Variants in GRIA4 observed in about 807,000 individuals in gnomAD.
GRIA4 encodes the protein glutamate receptor 4.
GRIA4 carries 34 observed loss-of-function variants against 104.0 expected under a neutral mutation model. The ratio of observed to expected loss-of-function variants is 0.33; its 90% CI spans 0.25 to 0.44. GRIA4 has a LOEUF of 0.44. GRIA4 is among the 20% of genes least tolerant of loss of function. The pLI is 1.00. For synonymous variants in GRIA4, 386 were observed against 381.9 expected (o/e 1.01, Z -0.13); for missense variants, 750 against 1,096.5 (o/e 0.68, Z 4.46).
intron 14 of GRIA4, among the ~76,000 whole-genome samples, chr11:105,935,673 A>G (rs73544631): frequency 9.3e-4 from 141 of 152,246 alleles, no homozygotes; most frequent in African/African-American, 3.3e-3. Flanking sequence ...TCTTGCACTT[A>G]ATTAATTCTC....
At chr11:105,658,295 A>C (rs1951904940) in intron 3 of GRIA4, among the ~76,000 whole-genome samples, 1 of 151,842 alleles carries the variant, frequency 6.6e-6, no homozygotes, top group Non-Finnish European at 1.5e-5. Flanking sequence ...GAATAAAGAT[A>C]AGATGAATTT....
At chr11:105,622,535 G>C (rs1369239536) in intron 3 of GRIA4, among the ~76,000 whole-genome samples, 1 of 151,586 alleles carries the variant, frequency 6.6e-6, no homozygotes, top group African/African-American at 2.4e-5. Context: ...TGATAGTCTT[G>C]CTTCTTCTAT....
chr11:105,645,666 C>A lies in GRIA4; in HGVS notation c.247+33232C>A, dbSNP rs1951505827. On this transcript the variant is annotated intron_variant, in intron 3 of 16. Transcript: ENST00000282499. The stretch of plus-strand genomic sequence containing the variant: ...GAAGGACACCACTGAGTAGAATTAG[C>A]ATTTTTAAGTCAATGAATAAAAGAA... Among the ~76,000 whole-genome samples, 3 of 152,212 alleles carry A rather than the reference C, an allele frequency of 2.0e-5. No individual in the cohort carries two copies. The South Asian group carries it at 6.2e-4, about 32-fold the overall frequency.
chr11:105,627,609 C>T (rs1950920622), intron 3 of GRIA4, among the ~76,000 whole-genome samples: 1 of 152,076 alleles, frequency 6.6e-6, no homozygotes, highest in Admixed American at 6.6e-5. Flanking sequence ...TTTGTAAGAC[C>T]CATTTTGGTA....
rs142245721 is a variant in GRIA4 at position 105,921,483 on chromosome 11, C to G, written c.1476+2565C>G. Reference sequence around the variant, plus strand: ...TGAAACAATGCACATGCAACATCCCCGATGTTGGCAGAGGAAGCCCATGTG... The same window carrying G: ...TGAAACAATGCACATGCAACATCCCGGATGTTGGCAGAGGAAGCCCATGTG... On this transcript the variant is annotated intron_variant, in intron 11 of 16. Transcript: ENST00000282499. Among the ~76,000 whole-genome samples the G allele has an allele frequency of 7.9e-5, 12 of 152,260 alleles. No homozygotes were observed. In the East Asian group the frequency reaches 2.3e-3, roughly 29 times the overall value.
At chr11:105,908,734 C>A (rs1947130503) in intron 9 of GRIA4, among the ~76,000 whole-genome samples, 1 of 152,048 alleles carries the variant, frequency 6.6e-6, no homozygotes, top group Non-Finnish European at 1.5e-5. Context: ...ATGTCAAGGT[C>A]TTGCCAATAT....
At chr11:105,852,383 A>T (rs1944843392) in intron 4 of GRIA4, among the ~76,000 whole-genome samples, 1 of 152,212 alleles carries the variant, frequency 6.6e-6, no homozygotes, top group African/African-American at 2.4e-5. Context: ...TTACAGCTAT[A>T]GAAAAGATTA....
chr11:105,736,361 G>T (rs371299965), intron 3 of GRIA4, among the ~76,000 whole-genome samples: 3 of 152,066 alleles, frequency 2.0e-5, no homozygotes, highest in Non-Finnish European at 4.4e-5. Flanking sequence ...TGAAAGAATA[G>T]TCATTCTCTC....
chr11:105,883,945 G>A (rs1422884755), intron 5 of GRIA4, among the ~76,000 whole-genome samples: 4 of 152,040 alleles, frequency 2.6e-5, no homozygotes, highest in African/African-American at 9.7e-5. Context: ...CCTTTATGCA[G>A]CCAACAGACA....
intron 3 of GRIA4, among the ~76,000 whole-genome samples, chr11:105,698,284 A>G (rs1163229399): frequency 6.6e-6 from 1 of 152,202 alleles, no homozygotes; most frequent in African/African-American, 2.4e-5. Flanking sequence ...ATGTAATTAT[A>G]GTGCAAGATT....
intron 4 of GRIA4, among the ~76,000 whole-genome samples, chr11:105,861,453 A>G (rs924484989): frequency 5.3e-5 from 8 of 152,172 alleles, no homozygotes; most frequent in South Asian, 2.1e-4. Flanking sequence ...CCCAGTCTAT[A>G]TCATTCACCT....
chr11:105,671,421 A>G (rs1952360834), intron 3 of GRIA4, among the ~76,000 whole-genome samples: 1 of 152,026 alleles, frequency 6.6e-6, no homozygotes, highest in African/African-American at 2.4e-5. Context: ...TCACACCTGT[A>G]ATCCCAGCAA....
intron 3 of GRIA4, among the ~76,000 whole-genome samples, chr11:105,703,443 C>T (rs1953577860): frequency 6.6e-6 from 1 of 151,952 alleles, no homozygotes; most frequent in South Asian, 2.1e-4. Flanking sequence ...TTTATGTAGC[C>T]ATAAAAACGA....
intron 3 of GRIA4, among the ~76,000 whole-genome samples, chr11:105,715,133 C>A (rs149608229): frequency 1.9e-4 from 29 of 152,270 alleles, no homozygotes; most frequent in East Asian, 1.7e-3. Context: ...TCAGCGTAGT[C>A]AATAAACAGC....
At chr11:105,910,632 CTG>C in intron 10 of GRIA4, 87 bp downstream of exon 10, 2 of 721,896 alleles carry the variant, frequency 2.8e-6, no homozygotes, top group Non-Finnish European at 5.1e-6. Flanking sequence ...GAGGGCAAAG[CTG>C]ACTGTTAGCA....
chr11:105,668,416 G>A (rs1952246017), intron 3 of GRIA4, among the ~76,000 whole-genome samples: 1 of 150,402 alleles, frequency 6.6e-6, no homozygotes, highest in South Asian at 2.1e-4. Context: ...CATTTGGATT[G>A]TTTTCATGTC....
intron 3 of GRIA4, among the ~76,000 whole-genome samples, chr11:105,644,201 C>T (rs1373637121): frequency 2.0e-5 from 3 of 152,052 alleles, no homozygotes; most frequent in African/African-American, 4.8e-5. Flanking sequence ...AAGATTTTTT[C>T]GGAGAAAGTG....
chr11:105,971,071 C>A (rs1255900499), intron 14 of GRIA4, among the ~76,000 whole-genome samples: 2 of 152,026 alleles, frequency 1.3e-5, no homozygotes, highest in African/African-American at 4.8e-5. Context: ...TCAGAAAAAT[C>A]TTGGTTACCT....
intron 4 of GRIA4, among the ~76,000 whole-genome samples, chr11:105,794,475 A>ATGTATG (rs1425628825): frequency 4.9e-5 from 3 of 61,316 alleles, no homozygotes; most frequent in African/African-American, 7.8e-5. Context: ...ATATGTATGT[A>ATGTATG]TATATATATA....
Sources: gnomAD v4.1 joint callset for allele counts (sites outside exome capture counted in the v4.1 genomes callset) on GRCh38, gnomAD v4.1.1 for gene constraint, MANE v1.5 for transcripts, NCBI Gene and HGNC (gene_info 2026-07-23, HGNC 2026-07-21) for gene names.